Variants in STK3 observed in about 807,000 individuals in gnomAD.
STK3 encodes the protein serine/threonine kinase 3.
STK3 carries 41 observed loss-of-function variants against 58.0 expected under a neutral mutation model. The ratio of observed to expected loss-of-function variants is 0.71; its 90% confidence interval spans 0.55 to 0.92. The LOEUF is 0.92. Ranked by LOEUF, STK3 falls within the 40% of genes least tolerant of loss-of-function variation. STK3 has a pLI of 0.00. For missense variants in STK3, 479 were observed against 602.7 expected (o/e 0.79, Z 2.15); for synonymous variants, 170 against 191.0 (o/e 0.89, Z 0.91).
intron 1 of STK3, among the ~76,000 whole-genome samples, chr8:98,924,034 C>A (rs1839690483): frequency 6.6e-6 from 1 of 151,890 alleles, no homozygotes; most frequent in Admixed American, 6.6e-5. Context: ...GTCATTGTAC[C>A]CTGAAAGAGT....
chr8:98,567,013 C>A (rs1334370304), intron 8 of STK3, among the ~76,000 whole-genome samples: 1 of 152,052 alleles, frequency 6.6e-6, no homozygotes, highest in East Asian at 1.9e-4. Context: ...TTTCATGGGC[C>A]AAAGGTAACC....
At chr8:98,889,524 C>T (rs1023800737) in intron 1 of STK3, among the ~76,000 whole-genome samples, 2 of 152,050 alleles carry the variant, frequency 1.3e-5, no homozygotes, top group African/African-American at 4.8e-5. Context: ...AATGTGACAA[C>T]CTTTTGACAT....
intron 7 of STK3, among the ~76,000 whole-genome samples, chr8:98,587,187 G>T (rs1294454793): frequency 1.7e-4 from 26 of 152,036 alleles, no homozygotes; most frequent in Non-Finnish European, 1.6e-4. Context: ...TAATTGTGAT[G>T]TTAGGGTGTC....
At position 98,908,861 on chromosome 8, in the gene STK3, A is replaced by G. The variant is rs567651480; in HGVS notation, c.-78-25027T>C. Among the ~76,000 whole-genome samples the G allele has an allele frequency of 2.0e-3, 307 of 150,104 alleles. 1 individual carries two copies. Among genetic ancestry groups the G allele is most frequent in the African/African-American group, 6.5e-3 (264 of 40,776 alleles). ...TTCTTCTCAAAAAAAAAAAAAAAAA[A>G]AAAGAAAAACAAGGCTGGGAGAGGT... On this transcript the variant is annotated intron_variant, in intron 1 of 1. Transcript: ENST00000519420.
intron 2 of STK3, among the ~76,000 whole-genome samples, chr8:98,378,038 A>G (rs978982267): frequency 1.3e-5 from 2 of 152,212 alleles, no homozygotes; most frequent in Admixed American, 6.5e-5. Context: ...ACATACAGTC[A>G]TATCTCCTTC....
At chr8:98,762,649 G>A (rs1830701728) in intron 3 of STK3, among the ~76,000 whole-genome samples, 1 of 152,226 alleles carries the variant, frequency 6.6e-6, no homozygotes, top group Admixed American at 6.5e-5. Context: ...CAGGTAAAAA[G>A]GGGATAAGTG....
At chr8:98,382,604 G>A (rs140686573) in intron 1 of STK3, among the ~76,000 whole-genome samples, 1 of 152,222 alleles carries the variant, frequency 6.6e-6, no homozygotes, top group African/African-American at 2.4e-5. Flanking sequence ...AGACTTGAGA[G>A]ACCTGCCCGG....
chr8:98,620,294 T>C (rs1196583118), intron 6 of STK3, among the ~76,000 whole-genome samples: 9 of 115,196 alleles, frequency 7.8e-5, no homozygotes, highest in African/African-American at 2.4e-4. Flanking sequence ...GGAAGGGGAA[T>C]ATCACACTCT....
chr8:98,413,813 C>G, intron 3 of STK3: 1 of 604,798 alleles, frequency 1.7e-6, no homozygotes, highest in South Asian at 1.5e-5. Flanking sequence ...CCTCAGGGTT[C>G]ACCCACAAAC....
At chr8:98,440,039 C>A (rs1018100685) in intron 1 of STK3, among the ~76,000 whole-genome samples, 1 of 152,176 alleles carries the variant, frequency 6.6e-6, no homozygotes, top group Non-Finnish European at 1.5e-5. Flanking sequence ...GGAGGATGTG[C>A]GTACTGATTC....
rs1380601849 is a variant in STK3 at position 98,493,369 on chromosome 8, ACTT to A, written c.1317+33370_1317+33372del. The stretch of plus-strand genomic sequence containing the variant: ...ACAAGCAACTTCTAGGAAGAAGTCT[ACTT>A]CTTCCCTCCTTGATTCACTTCCCGC... On this transcript the variant is annotated intron_variant, in intron 10 of 10. Transcript: ENST00000419617. Among the ~76,000 whole-genome samples, 47 of 152,240 alleles carry A rather than the reference ACTT, an allele frequency of 3.1e-4. 1 individual carries two copies. The highest frequency in any genetic ancestry group is 3.0e-3 in the Admixed American group (46 of 15,282).
At chr8:98,470,639 A>G (rs910714065) in intron 10 of STK3, among the ~76,000 whole-genome samples, 2 of 152,208 alleles carry the variant, frequency 1.3e-5, no homozygotes, top group South Asian at 2.1e-4. Flanking sequence ...TAATTTTTCA[A>G]TGACCAGAAA....
intron 1 of STK3, among the ~76,000 whole-genome samples, chr8:98,775,312 T>G (rs931671750): frequency 3.5e-4 from 53 of 152,310 alleles, no homozygotes; most frequent in African/African-American, 1.2e-3. Context: ...ACAGTCAAAC[T>G]GTAAGCACAT....
intron 6 of STK3, among the ~76,000 whole-genome samples, chr8:98,677,913 T>C (rs188695424): frequency 3.9e-5 from 6 of 152,290 alleles, no homozygotes; most frequent in Admixed American, 3.9e-4. Context: ...CCTACCCCAG[T>C]AACTAAGAAG....
rs977908391 is a variant in STK3, at chr8:98,577,252, C to T, written c.948+2412G>A. Among the ~76,000 whole-genome samples, 7 of 152,144 alleles carry T rather than the reference C, an allele frequency of 4.6e-5. No homozygotes were observed. In the East Asian group the frequency reaches 1.4e-3, roughly 29 times the overall value. ...CTGTAATCCCAGCACTTTGGGAGGC[C>T]GAGGTGGGTGGAACACCCAAAGTCA... On this transcript the variant is annotated intron_variant, in intron 8 of 10. Coordinates refer to ENST00000419617, the MANE Select transcript of STK3 (RefSeq NM_006281.4).
intron 3 of STK3, among the ~76,000 whole-genome samples, chr8:98,854,033 A>G (rs1230980012): frequency 6.6e-6 from 1 of 152,230 alleles, no homozygotes; most frequent in Admixed American, 6.5e-5. Context: ...ACATACCACA[A>G]GAAAACTATA....
intron 6 of STK3, chr8:98,606,221 C>G (rs1178429617): frequency 1.3e-5 from 2 of 152,072 alleles, no homozygotes; most frequent in Non-Finnish European, 2.9e-5. Context: ...AGTATGTGGT[C>G]TCCACCTTCC....
intron 4 of STK3, among the ~76,000 whole-genome samples, chr8:98,710,454 T>C (rs2131096436): frequency 6.6e-6 from 1 of 152,338 alleles, no homozygotes; most frequent in Non-Finnish European, 1.5e-5. Flanking sequence ...AATACTGTGC[T>C]TTTCCAATGG....
intron 3 of STK3, among the ~76,000 whole-genome samples, chr8:98,414,555 C>A (rs917045047): frequency 6.6e-6 from 1 of 152,156 alleles, no homozygotes; most frequent in Admixed American, 6.5e-5. Context: ...GTAGCTCTTT[C>A]CACATTGGGT....
Sources: allele counts gnomAD v4.1 joint callset (sites outside exome capture counted in the v4.1 genomes callset), GRCh38; gene constraint gnomAD v4.1.1; transcripts MANE v1.5; gene names NCBI Gene and HGNC (gene_info 2026-07-23, HGNC 2026-07-21).